Variants in BLNK observed in about 807,000 individuals in gnomAD.
BLNK encodes the protein B-cell linker protein.
In BLNK, 29 loss-of-function variants were observed where a neutral mutation model predicts 73.5. The ratio of observed to expected loss-of-function variants is 0.39; its 90% CI spans 0.29 to 0.54. The LOEUF (loss-of-function observed/expected upper bound fraction) is 0.54. Ranked by LOEUF, BLNK falls within the 20% of genes least tolerant of loss-of-function variation. The probability of loss-of-function intolerance (pLI) is 0.61; values close to 1 mark genes in which losing one functional copy is unlikely to be tolerated. For synonymous variants in BLNK, 176 were observed against 200.8 expected (o/e 0.88, Z 1.04); for missense variants, 460 against 562.8 (o/e 0.82, Z 1.85).
intron 3 of BLNK, 109 bp downstream of exon 3, chr10:96,242,626 C>A (rs771424710): frequency 1.3e-4 from 139 of 1,071,724 alleles, no homozygotes; most frequent in Non-Finnish European, 1.0e-4. Context: ...AGAAAAGATA[C>A]CTTTTGTTTT....
chr10:96,233,405 A>C (rs1842580240), intron 3 of BLNK, among the ~76,000 whole-genome samples: 1 of 152,170 alleles, frequency 6.6e-6, no homozygotes, highest in South Asian at 2.1e-4. Context: ...TAAAGTTTGG[A>C]TTATGCTGTT....
intron 3 of BLNK, among the ~76,000 whole-genome samples, chr10:96,234,853 C>A (rs1842639815): frequency 6.6e-6 from 1 of 152,230 alleles, no homozygotes. Context: ...GTTCAAGCTT[C>A]ATGTGGGCCA....
At chr10:96,251,903 G>A (rs375407233) in intron 1 of BLNK, among the ~76,000 whole-genome samples, 1 of 152,146 alleles carries the variant, frequency 6.6e-6, no homozygotes, top group Admixed American at 6.6e-5. Flanking sequence ...GAAAGTTACA[G>A]CAGTTTCTTC....
intron 6 of BLNK, among the ~76,000 whole-genome samples, chr10:96,222,616 G>C (rs7902113): frequency 6.6e-5 from 10 of 152,130 alleles, no homozygotes; most frequent in Non-Finnish European, 1.3e-4. Context: ...TGGGTCTCTG[G>C]ACACCTGCTG....
At chr10:96,238,656 G>T (rs1054833420) in intron 3 of BLNK, among the ~76,000 whole-genome samples, 11 of 152,180 alleles carry the variant, frequency 7.2e-5, no homozygotes, top group Admixed American at 2.0e-4. Flanking sequence ...GAACTGGGGT[G>T]GGGGAGAGAA....
chr10:96,263,356 G>A (rs1843847905), intron 1 of BLNK, among the ~76,000 whole-genome samples: 1 of 152,212 alleles, frequency 6.6e-6, no homozygotes, highest in African/African-American at 2.4e-5. Flanking sequence ...CAGCCAGCAT[G>A]GGAGGCAGGG....
At chr10:96,268,420 G>C (rs781972579) in intron 1 of BLNK, among the ~76,000 whole-genome samples, 111 of 151,860 alleles carry the variant, frequency 7.3e-4, no homozygotes, top group Non-Finnish European at 1.5e-3. Context: ...TACAATTAAG[G>C]GAAAATCATG....
Position 96,224,001 on chromosome 10 carries a change from C to T in BLNK, c.362-12G>A. On this transcript the variant is annotated splice_polypyrimidine_tract_variant and intron_variant, in intron 5 of 16. Coordinates refer to ENST00000224337, the MANE Select transcript of BLNK (RefSeq NM_013314.4). ...GCTTGATCGATTGTCTTGAAAGGAACAAACAAAAAACATAACATAAAAGAG... is the reference window on the plus strand; with the variant it reads ...GCTTGATCGATTGTCTTGAAAGGAATAAACAAAAAACATAACATAAAAGAG... 1 of 1,612,082 alleles carries T rather than the reference C, an allele frequency of 6.2e-7. No individual in the cohort carries two copies.
chr10:96,209,841 G>T lies in BLNK; in HGVS notation c.743C>A (p.Ala248Asp), dbSNP rs1554898302. 3 of 1,614,202 alleles carry T rather than the reference G, an allele frequency of 1.9e-6. No individual in the cohort carries two copies. The highest frequency in any genetic ancestry group is 2.5e-6 in the Non-Finnish European group (3 of 1,180,036). The part of the protein sequence containing the change: ...PPAAPSPLPR[A>D]GKKPTTPLKT... ...GCTTCCTGCAACAGGTACTTACCCG[G>T]CCCGTGGCAACGGGGATGGTGCAGC... Residue 248 changes from alanine (A) to aspartate (D), a missense_variant, in exon 9 of 17, where the codon GCC (alanine) becomes GAC (aspartate). Physicochemically the swap from Ala to Asp is moderately radical, Grantham distance 126. This residue lies in a region of BLNK where 233 missense variants were observed against 232.1 expected (regional missense o/e 1.00). Coordinates refer to ENST00000224337, the MANE Select transcript of BLNK (RefSeq NM_013314.4).
rs1046962897 is a variant in BLNK, at chr10:96,200,847, A to G, written c.1011+135T>C. 2.5e-5 allele frequency: 21 copies of G among 856,090 alleles called. No homozygotes were observed. The Admixed American group carries it at 3.7e-4, about 15-fold the overall frequency. 53.0% of individuals were successfully genotyped at this position (856,090 alleles called of 1,614,324 possible). On this transcript the variant is annotated intron_variant, in intron 14 of 16. Transcript: ENST00000224337. The surrounding 1 kb of genome is among the most constrained non-coding windows in gnomAD (Gnocchi z 4.3). ...CTGGGTATTCTGTCCCTATTACCAA[A>G]TGACAGTTCACATAATGATGTAAAA...
intron 9 of BLNK, among the ~76,000 whole-genome samples, chr10:96,208,904 G>A (rs1343569067): frequency 1.3e-5 from 2 of 152,170 alleles, no homozygotes; most frequent in African/African-American, 4.8e-5. Context: ...CAGAGTTTTG[G>A]TTAATAAACC....
intron 1 of BLNK, among the ~76,000 whole-genome samples, chr10:96,254,520 G>GT (rs1242987996): frequency 1.4e-5 from 2 of 142,062 alleles, no homozygotes; most frequent in East Asian, 4.0e-4. Context: ...GTTTTGTTTT[G>GT]TTTTTTTGAG....
chr10:96,191,799 G>A lies in BLNK; in HGVS notation c.*174C>T. 3.8e-6 allele frequency: 3 copies of A among 779,644 alleles called. No homozygotes were observed. The highest frequency in any genetic ancestry group is 4.6e-5 in the Admixed American group (2 of 43,244). The allele number at this position is 779,644 out of a possible 1,614,324, so 48.3% of individuals were successfully genotyped here. ...TTCATCAGGTCAGGCAATAGAACAA[G>A]TCCACATGAGCTTCTTAAAAAGAAA... On this transcript the variant is annotated 3_prime_UTR_variant, in exon 17 of 17. Transcript: ENST00000224337.
chr10:96,204,254 A>G, intron 12 of BLNK, 166 bp from the exon 13 acceptor site: 1 of 801,010 alleles, frequency 1.2e-6, no homozygotes, highest in Non-Finnish European at 2.0e-6. Flanking sequence ...CCTTAAAGAT[A>G]AGTAAGACTC....
chr10:96,215,233 G>T, intron 8 of BLNK, 88 bp downstream of exon 8: 1 of 1,386,442 alleles, frequency 7.2e-7, no homozygotes, highest in Non-Finnish European at 1.0e-6. Context: ...AAGACATTTG[G>T]AAATACAAGT....
chr10:96,215,615 ATAT>A (rs1477454708), intron 7 of BLNK, among the ~76,000 whole-genome samples: 4 of 152,316 alleles, frequency 2.6e-5, no homozygotes, highest in African/African-American at 7.2e-5. Context: ...ATAATTTGAT[ATAT>A]TATTATTTGA....
intron 1 of BLNK, among the ~76,000 whole-genome samples, chr10:96,267,276 T>A (rs1254548717): frequency 6.6e-6 from 1 of 151,908 alleles, no homozygotes; most frequent in Non-Finnish European, 1.5e-5. Context: ...CTATCCGGGA[T>A]GTTGTGGAAG....
intron 13 of BLNK, chr10:96,203,844 A>G: frequency 7.0e-6 from 3 of 431,220 alleles, no homozygotes; most frequent in East Asian, 7.1e-5. Flanking sequence ...CTACTAAAAA[A>G]AGTAAAAATT....
Position 96,207,763 on chromosome 10 carries a change from T to C in BLNK, c.774+109A>G, listed in dbSNP as rs73320994. ...CTGCTTGGGCAGCAACTTCAGTTGC[T>C]AAGATTGCTGTGTTCACCATAGCTG... On this transcript the variant is annotated intron_variant, in intron 10 of 16. Transcript: ENST00000224337. 3.6e-5 allele frequency: 49 copies of C among 1,362,434 alleles called. No homozygotes were observed. In the African/African-American group the frequency reaches 6.9e-4, roughly 19 times the overall value. The allele number at this position is 1,362,434 out of a possible 1,614,324, so 84.4% of individuals were successfully genotyped here.
Sources: gnomAD v4.1 joint callset for allele counts (sites outside exome capture counted in the v4.1 genomes callset) on GRCh38, gnomAD v4.1.1 for gene constraint, gnomAD v4.1.1 regional missense constraint, Gnocchi (gnomAD v3.1) non-coding constraint, MANE v1.5 for transcripts, NCBI Gene and HGNC (gene_info 2026-07-23, HGNC 2026-07-21) for gene names.